Variants in AKNAD1 observed in about 807,000 individuals in gnomAD.
The protein encoded by AKNAD1 is protein AKNAD1.
A neutral mutation model predicts 90.8 loss-of-function variants in AKNAD1; 67 were observed. The ratio of observed to expected loss-of-function variants is 0.74; its 90% CI spans 0.61 to 0.90. The LOEUF (loss-of-function observed/expected upper bound fraction) is 0.90, where lower values mean the gene tolerates loss of function less well. AKNAD1 is among the 40% of genes least tolerant of loss of function. AKNAD1 has a pLI of 0.00. For missense variants in AKNAD1, 957 were observed against 975.4 expected (o/e 0.98, Z 0.25); for synonymous variants, 327 against 341.4 (o/e 0.96, Z 0.46).
intron 14 of AKNAD1, 90 bp from the exon 15 acceptor site, chr1:108,817,267 T>G: frequency 6.4e-5 from 99 of 1,535,706 alleles, no homozygotes; most frequent in Non-Finnish European, 7.6e-5. Context: ...GTAATGGCTC[T>G]GTGTGGTTTG....
chr1:108,857,548 A>G (rs1211107761), upstream of AKNAD1: 1 of 152,684 alleles, frequency 6.5e-6, no homozygotes, highest in East Asian at 1.9e-4. Flanking sequence ...GTGATAACAC[A>G]GTTTTCCATA....
intron 11 of AKNAD1, among the ~76,000 whole-genome samples, chr1:108,824,850 C>T (rs763916973): frequency 5.3e-5 from 8 of 151,612 alleles, no homozygotes; most frequent in African/African-American, 7.2e-5. Flanking sequence ...AACTGACACT[C>T]TTTAAAATGT....
chr1:108,851,757 A>G lies in AKNAD1; in HGVS notation c.908T>C (p.Leu303Pro). ...ACAGTTTGACTCAGGCGTGGTTTCTAGACTATCTTGCACAAGAGTGGGTTT... is the reference window on the plus strand; with the variant it reads ...ACAGTTTGACTCAGGCGTGGTTTCTGGACTATCTTGCACAAGAGTGGGTTT... Reference protein sequence around the residue: ...RDKPTLVQDSLETTPESNCVE... With the variant: ...RDKPTLVQDSPETTPESNCVE... The change falls in exon 2 of 16, where the codon CTA becomes CCA. Residue 303 changes from leucine to proline, a missense_variant. Transcript: ENST00000370001. 1 of 1,613,870 alleles carries G rather than the reference A, an allele frequency of 6.2e-7. No homozygotes were observed. The highest frequency in any genetic ancestry group is 8.5e-7 in the Non-Finnish European group (1 of 1,179,936).
intron 8 of AKNAD1, 126 bp from the exon 9 acceptor site, chr1:108,834,654 G>A (rs1570809902): frequency 9.9e-7 from 1 of 1,007,190 alleles, no homozygotes. Flanking sequence ...CTAAGGCAGA[G>A]AGTGCTATGG....
intron 6 of AKNAD1, among the ~76,000 whole-genome samples, chr1:108,841,311 G>A (rs1664545121): frequency 6.6e-6 from 1 of 152,152 alleles, no homozygotes; most frequent in African/African-American, 2.4e-5. Context: ...GAAGGGAGAG[G>A]AGGTGAAAAC....
chr1:108,847,684 C>T (rs756714195), intron 5 of AKNAD1, among the ~76,000 whole-genome samples: 16 of 152,100 alleles, frequency 1.1e-4, no homozygotes, highest in Non-Finnish European at 1.9e-4. Context: ...TTCTAGAATA[C>T]CCCTTGGTCT....
At position 108,839,428 on chromosome 1, in the gene AKNAD1, G is replaced by T. The variant is rs556951129; in HGVS notation, c.1380-1722C>A. The stretch of plus-strand genomic sequence containing the variant: ...GCGGAGCTTGCAGCGAGCCAAGATC[G>T]CGCCACTGCACTCCAGCCTGGAGGA... On this transcript the variant is annotated intron_variant, in intron 6 of 15. Coordinates refer to ENST00000370001, the MANE Select transcript of AKNAD1 (RefSeq NM_152763.5). 2.1e-5 allele frequency among the ~76,000 whole-genome samples: 3 copies of T among 140,764 alleles called. No homozygotes were observed. The Admixed American group carries it at 2.3e-4, about 11-fold the overall frequency. The allele number at this position is 140,764 out of a possible 152,430, so 92.3% of individuals were successfully genotyped here.
In AKNAD1 at chr1:108,845,823, A is replaced by G. The variant is rs140925515; in HGVS notation, c.1246-2556T>C. On this transcript the variant is annotated intron_variant, in intron 5 of 15. Coordinates refer to ENST00000370001, the MANE Select transcript of AKNAD1 (RefSeq NM_152763.5). ...ATGTCCGAAGTGAAGAGAGACACAA[A>G]CATTTGGAGCTATAGATGAGAAGTC... Among the ~76,000 whole-genome samples, 708 of 152,294 alleles carry G rather than the reference A, an allele frequency of 4.6e-3. 5 individuals carry two copies. Among genetic ancestry groups the G allele is most frequent in the Admixed American group, 0.015 (225 of 15,294 alleles).
rs1023620466 is a variant in AKNAD1, at chr1:108,817,163, G to C, written c.2264C>G (p.Ala755Gly). ...EPTPGKKKLQ[A>G]FMTYSSDPAT... The stretch of plus-strand genomic sequence containing the variant: ...AGGGTCTGAGCTGTAGGTCATGAAA[G>C]CCTGAAGTTTTTTTCTGGAAGACAA... The change falls in exon 15 of 16, where the codon GCT becomes GGT. Residue 755 changes from alanine (A) to glycine (G), a missense_variant. Coordinates refer to ENST00000370001, the MANE Select transcript of AKNAD1 (RefSeq NM_152763.5). 1 of 1,614,044 alleles carries C rather than the reference G, an allele frequency of 6.2e-7. No individual in the cohort carries two copies. The highest frequency in any genetic ancestry group is 8.5e-7 in the Non-Finnish European group (1 of 1,179,966).
In AKNAD1 at chr1:108,816,321, C is replaced by T. The variant is rs755484116; in HGVS notation, c.2380-19G>A. On this transcript the variant is annotated intron_variant, in intron 15 of 15. Transcript: ENST00000370001. ...TTAAAATCTACAGAGGAAAAGTCCA[C>T]ACATTTTAATTACATAAACTAACTG... The T allele has an allele frequency of 1.2e-6, 2 of 1,602,840 alleles. No homozygotes were observed. Among genetic ancestry groups the T allele is most frequent in the Non-Finnish European group, 1.7e-6 (2 of 1,176,044 alleles).
At chr1:108,843,363 C>A in intron 5 of AKNAD1, 96 bp from the exon 6 acceptor site, 1 of 1,427,352 alleles carries the variant, frequency 7.0e-7, no homozygotes. Flanking sequence ...ACAGTAGTGT[C>A]AAAACAAAGC....
intron 12 of AKNAD1, 22 bp from the exon 13 acceptor site, chr1:108,823,499 TAC>T: frequency 6.2e-7 from 1 of 1,611,614 alleles, no homozygotes. Context: ...AGATTAAAAA[TAC>T]AGTTAATTGC....
rs572168144 is a variant in AKNAD1 at position 108,817,320 on chromosome 1, T to C, written c.2250-143A>G. 33 of 1,024,232 alleles carry C rather than the reference T, an allele frequency of 3.2e-5. No homozygotes were observed. The East Asian group carries it at 8.1e-4, about 25-fold the overall frequency. The allele number at this position is 1,024,232 out of a possible 1,614,324, so 63.4% of individuals were successfully genotyped here. ...GCACCCGCTGCCCTCCTAGCTCTCA[T>C]ACTCCCATGTGGCTGACCGCAGCTG... is the stretch of plus-strand genomic sequence containing the variant. On this transcript the variant is annotated intron_variant, in intron 14 of 15. Coordinates refer to ENST00000370001, the MANE Select transcript of AKNAD1 (RefSeq NM_152763.5).
intron 7 of AKNAD1, among the ~76,000 whole-genome samples, chr1:108,835,531 A>T (rs1195248415): frequency 6.6e-6 from 1 of 152,190 alleles, no homozygotes; most frequent in Non-Finnish European, 1.5e-5. Context: ...CAGAGCCAGT[A>T]TGTGAACCCA....
intron 7 of AKNAD1, 142 bp from the exon 8 acceptor site, chr1:108,835,198 C>G (rs146266233): frequency 1.2e-5 from 10 of 860,952 alleles, no homozygotes; most frequent in Admixed American, 4.0e-5. Flanking sequence ...TCCCCCAGCT[C>G]TTTACCTAGC....
At chr1:108,835,754 A>G (rs1664362616) in intron 7 of AKNAD1, among the ~76,000 whole-genome samples, 1 of 151,364 alleles carries the variant, frequency 6.6e-6, no homozygotes, top group Admixed American at 6.6e-5. Context: ...CCTCCCAAGT[A>G]GCTGGGATTA....
At position 108,817,695 on chromosome 1, in the gene AKNAD1, T is replaced by TG. The variant is rs1444606595; in HGVS notation, c.2250-519dup. On this transcript the variant is annotated intron_variant, in intron 14 of 15. Coordinates refer to ENST00000370001, the MANE Select transcript of AKNAD1 (RefSeq NM_152763.5). ...TTTTTGTATTTTTTTTTAGTAGAGA[T>TG]GGGGTTTCACCGTGTTAGCCAGGAT... Among the ~76,000 whole-genome samples the TG allele has an allele frequency of 8.6e-5, 13 of 151,358 alleles. No homozygotes were observed. The South Asian group carries it at 2.3e-3, about 27-fold the overall frequency.
At chr1:108,843,091 C>T (rs989219060) in intron 6 of AKNAD1, 43 bp downstream of exon 6, 23 of 1,597,430 alleles carry the variant, frequency 1.4e-5, no homozygotes, top group East Asian at 2.2e-5. Context: ...TGAAGGAGAT[C>T]ACCTTTGACC....
intron 9 of AKNAD1, among the ~76,000 whole-genome samples, chr1:108,834,209 G>T (rs1176152178): frequency 1.3e-5 from 2 of 152,084 alleles, no homozygotes; most frequent in Admixed American, 1.3e-4. Flanking sequence ...TGATTCATAG[G>T]CTCGGAGAAG....
Sources: allele counts gnomAD v4.1 joint callset (sites outside exome capture counted in the v4.1 genomes callset), GRCh38; gene constraint gnomAD v4.1.1; transcripts MANE v1.5; gene names NCBI Gene and HGNC (gene_info 2026-07-23, HGNC 2026-07-21).